The following STARD13 variants were observed in gnomAD, a reference collection of about 807,000 sequenced individuals.
The protein encoded by STARD13 is StAR related lipid transfer domain containing 13.
STARD13 carries 62 observed loss-of-function variants against 106.4 expected under a neutral mutation model. The observed-to-expected ratio is 0.58, with a 90% confidence interval of 0.48 to 0.72. The LOEUF (loss-of-function observed/expected upper bound fraction) is 0.72, where lower values mean the gene tolerates loss of function less well. STARD13 is among the 30% of genes least tolerant of loss of function. STARD13 has a pLI of 0.00. For missense variants in STARD13, 1,387 were observed against 1,424.0 expected (o/e 0.97, Z 0.42); for synonymous variants, 565 against 553.0 (o/e 1.02, Z -0.31).
the STARD13 span, among the ~76,000 whole-genome samples, chr13:33,503,143 T>C: frequency 6.6e-6 from 1 of 152,254 alleles, no homozygotes; most frequent in African/African-American, 2.4e-5. Context: ...TATCCATTTC[T>C]TCTAGATTTT....
chr13:33,121,583 A>G (rs909992395), intron 7 of STARD13, among the ~76,000 whole-genome samples: 1 of 151,828 alleles, frequency 6.6e-6, no homozygotes, highest in Non-Finnish European at 1.5e-5. Context: ...AAAAAAAAAA[A>G]AGTTTCCAAA....
intron 4 of STARD13, among the ~76,000 whole-genome samples, chr13:33,141,879 C>A (rs962735717): frequency 7.3e-5 from 11 of 151,526 alleles, no homozygotes; most frequent in Admixed American, 6.6e-4. Flanking sequence ...TTACGCAAAC[C>A]CTCTAATAAA....
intron 1 of STARD13, chr13:33,281,295 T>C (rs1891766761): frequency 6.6e-6 from 1 of 152,206 alleles, no homozygotes; most frequent in Admixed American, 6.6e-5. Context: ...ATCCGGATTA[T>C]GCTGTTTTCT....
intron 1 of STARD13, among the ~76,000 whole-genome samples, chr13:33,267,508 G>A (rs1327803420): frequency 6.6e-6 from 1 of 152,100 alleles, no homozygotes; most frequent in Non-Finnish European, 1.5e-5. Context: ...TTTAAGGTCC[G>A]CCCATCAAAC....
chr13:33,199,905 A>G (rs2138086965), intron 1 of STARD13, among the ~76,000 whole-genome samples: 1 of 152,366 alleles, frequency 6.6e-6, no homozygotes, highest in South Asian at 2.1e-4. Context: ...ATGCAGTATA[A>G]TAAGCACATG....
At chr13:33,384,881 G>C in the STARD13 span, among the ~76,000 whole-genome samples, 1 of 152,082 alleles carries the variant, frequency 6.6e-6, no homozygotes, top group Non-Finnish European at 1.5e-5. Flanking sequence ...AACTAGCAGA[G>C]AGCAGATGAC....
chr13:33,637,563 T>C, the STARD13 span, among the ~76,000 whole-genome samples: 1 of 152,232 alleles, frequency 6.6e-6, no homozygotes, highest in Non-Finnish European at 1.5e-5. Context: ...GATTTCTCTC[T>C]GTGCTCATTG....
chr13:33,510,313 G>A, the STARD13 span, among the ~76,000 whole-genome samples: 2 of 152,170 alleles, frequency 1.3e-5, no homozygotes, highest in African/African-American at 4.8e-5. Flanking sequence ...TTTTCTGGTA[G>A]AGGTATATTT....
chr13:33,434,270 T>C, the STARD13 span, among the ~76,000 whole-genome samples: 1 of 144,696 alleles, frequency 6.9e-6, no homozygotes, highest in Non-Finnish European at 1.5e-5. Flanking sequence ...GAAGAATCGC[T>C]TGAACCCAGG....
chr13:33,255,106 C>CG (rs199832112), intron 1 of STARD13, among the ~76,000 whole-genome samples: 2 of 144,846 alleles, frequency 1.4e-5, no homozygotes, highest in South Asian at 2.2e-4. Context: ...GCTCCCCCCC[C>CG]CCTCAGAGGC....
the STARD13 span, among the ~76,000 whole-genome samples, chr13:33,642,768 G>C: frequency 2.6e-5 from 4 of 151,482 alleles, no homozygotes; most frequent in African/African-American, 9.7e-5. Context: ...TTTCCTCAAA[G>C]GCCGGATGAC....
At chr13:33,456,138 C>T in the STARD13 span, among the ~76,000 whole-genome samples, 1 of 152,130 alleles carries the variant, frequency 6.6e-6, no homozygotes, top group Non-Finnish European at 1.5e-5. Flanking sequence ...TGTGCTAGGG[C>T]TGCCATACAA....
At chr13:33,455,329 G>A in the STARD13 span, among the ~76,000 whole-genome samples, 2 of 152,204 alleles carry the variant, frequency 1.3e-5, no homozygotes, top group African/African-American at 4.8e-5. Context: ...AAGAGAATTT[G>A]AGAGAGGCAG....
intron 4 of STARD13, among the ~76,000 whole-genome samples, chr13:33,132,022 T>G (rs538257996): frequency 6.6e-5 from 10 of 152,382 alleles, no homozygotes; most frequent in South Asian, 6.2e-4. Context: ...GTGTTGTTTT[T>G]AAGGAAACCT....
the STARD13 span, among the ~76,000 whole-genome samples, chr13:33,541,593 T>C: frequency 6.6e-6 from 1 of 152,228 alleles, no homozygotes; most frequent in Non-Finnish European, 1.5e-5. Context: ...ATCTTTCTTA[T>C]ATCCTCCGGC....
the STARD13 span, among the ~76,000 whole-genome samples, chr13:33,572,625 C>A: frequency 1.9e-3 from 283 of 152,218 alleles, no homozygotes; most frequent in African/African-American, 6.4e-3. Context: ...TTTCAAATAT[C>A]TTTTATACTA....
chr13:33,548,993 AAAG>A, the STARD13 span, among the ~76,000 whole-genome samples: 1 of 152,194 alleles, frequency 6.6e-6, no homozygotes, highest in Non-Finnish European at 1.5e-5. Flanking sequence ...TCAGTAATCA[AAAG>A]AAAAGATGAC....
At chr13:33,244,330 G>A (rs1290566294) in intron 1 of STARD13, among the ~76,000 whole-genome samples, 5 of 151,846 alleles carry the variant, frequency 3.3e-5, no homozygotes, top group Admixed American at 1.3e-4. Flanking sequence ...ATAGTAAAGC[G>A]ACACTGGAAT....
chr13:33,174,266 T>G (rs1171719255), intron 1 of STARD13, among the ~76,000 whole-genome samples: 2 of 152,150 alleles, frequency 1.3e-5, no homozygotes, highest in African/African-American at 4.8e-5. Flanking sequence ...GCCTTAAATA[T>G]ATAATTAACA....
Sources: gnomAD v4.1 joint callset for allele counts (sites outside exome capture counted in the v4.1 genomes callset) on GRCh38, gnomAD v4.1.1 for gene constraint, MANE v1.5 for transcripts, NCBI Gene and HGNC (gene_info 2026-07-23, HGNC 2026-07-21) for gene names.